The following FKTN variants were observed in gnomAD, a reference collection of about 807,000 sequenced individuals.
FKTN encodes the protein ribitol-5-phosphate transferase FKTN.
A neutral mutation model predicts 58.6 loss-of-function variants in FKTN; 47 were observed. The ratio of observed to expected loss-of-function variants is 0.80; its 90% CI spans 0.63 to 1.02. FKTN has a LOEUF of 1.02. Ranked by LOEUF, FKTN falls within the 50% of genes least tolerant of loss-of-function variation. FKTN has a pLI of 0.00. For missense variants in FKTN, 516 were observed against 537.3 expected, an observed-to-expected ratio of 0.96 and a Z score of 0.39; for synonymous variants, 178 against 191.9, an observed-to-expected ratio of 0.93 and a Z score of 0.60.
intron 3 of FKTN, among the ~76,000 whole-genome samples, chr9:105,587,179 A>G (rs974953099): frequency 3.3e-5 from 5 of 152,102 alleles, no homozygotes; most frequent in African/African-American, 1.2e-4. Context: ...ACTTAGTCCA[A>G]TGAGCAGCAC....
In FKTN at chr9:105,636,714, A is replaced by G. The variant is rs1336483550; in HGVS notation, c.*1450A>G. On this transcript the variant is annotated 3_prime_UTR_variant, in exon 11 of 11. Coordinates refer to ENST00000357998, the MANE Select transcript of FKTN (RefSeq NM_001079802.2). ...TTATATCTTATCTATGCTATTTAGG[A>G]CTACTTTCTGGAGCTTGGCAGATTT... is the stretch of plus-strand genomic sequence containing the variant. 3.1e-6 allele frequency: 4 copies of G among 1,298,484 alleles called. No individual in the cohort carries two copies. The highest frequency in any genetic ancestry group is 1.5e-5 in the African/African-American group (1 of 65,784). 80.4% of individuals were successfully genotyped at this position (1,298,484 alleles called of 1,614,324 possible).
At chr9:105,626,419 T>C (rs1832746169) in intron 10 of FKTN, among the ~76,000 whole-genome samples, 1 of 152,168 alleles carries the variant, frequency 6.6e-6, no homozygotes, top group African/African-American at 2.4e-5. Flanking sequence ...AAAGGAGCAA[T>C]CAAGCTCCCT....
chr9:105,561,227 T>C lies in FKTN; in HGVS notation c.-181+3062T>C, dbSNP rs534944864. ...AGTTTGAGGCAGCAGTGAGCTATGATTGTGACACTGCACTCCAGCCTGGGT... is the reference window on the plus strand; with the variant it reads ...AGTTTGAGGCAGCAGTGAGCTATGACTGTGACACTGCACTCCAGCCTGGGT... On this transcript the variant is annotated intron_variant, in intron 1 of 10. Transcript: ENST00000357998. Among the ~76,000 whole-genome samples the C allele has an allele frequency of 4.6e-5, 7 of 152,210 alleles. No homozygotes were observed. The South Asian group carries it at 6.2e-4, about 14-fold the overall frequency.
In FKTN at chr9:105,636,465, T is replaced by C. The variant is rs796112330; in HGVS notation, c.*1201T>C. On this transcript the variant is annotated 3_prime_UTR_variant, in exon 11 of 11. Coordinates refer to ENST00000357998, the MANE Select transcript of FKTN (RefSeq NM_001079802.2). ...CTCCCCAGTTTTTCAGTCTGTTGAA[T>C]GTCGATGGGGCAAGAACTCAGACTT... 50 of 993,126 alleles carry C rather than the reference T, an allele frequency of 5.0e-5. 1 individual carries two copies. In the African/African-American group the frequency reaches 8.3e-4, roughly 17 times the overall value. 61.5% of individuals were successfully genotyped at this position (993,126 alleles called of 1,614,324 possible).
At chr9:105,611,241 G>A (rs1181700250) in intron 7 of FKTN, among the ~76,000 whole-genome samples, 1 of 151,990 alleles carries the variant, frequency 6.6e-6, no homozygotes, top group East Asian at 1.9e-4. Flanking sequence ...GGCTGAACAG[G>A]AAAAATTAAA....
chr9:105,630,201 TAAAAAAA>T (rs199976867), intron 10 of FKTN, among the ~76,000 whole-genome samples: 1 of 151,518 alleles, frequency 6.6e-6, no homozygotes, highest in Admixed American at 6.6e-5. Context: ...CAAGTATAAT[TAAAAAAA>T]AGAAAAAAGA....
At chr9:105,608,484 T>G (rs1829308466) in intron 7 of FKTN, among the ~76,000 whole-genome samples, 1 of 152,236 alleles carries the variant, frequency 6.6e-6, no homozygotes, top group African/African-American at 2.4e-5. Flanking sequence ...TTCCGCAGGC[T>G]TCTGGCCCTG....
rs140135968 is a variant in FKTN at position 105,621,124 on chromosome 9, C to T, written c.1172+1063C>T. On this transcript the variant is annotated intron_variant, in intron 10 of 10. Coordinates refer to ENST00000357998, the MANE Select transcript of FKTN (RefSeq NM_001079802.2). ...AGCTTCTTTCATTCTGCTTTAACAG[C>T]TCTTTATAGTAGCAGTGTTTGGGAA... Among the ~76,000 whole-genome samples, 801 of 152,232 alleles carry T rather than the reference C, an allele frequency of 5.3e-3. 8 individuals carry two copies. Among genetic ancestry groups the T allele is most frequent in the African/African-American group, 0.019 (774 of 41,538 alleles).
chr9:105,562,485 G>A (rs1210447090), intron 1 of FKTN, among the ~76,000 whole-genome samples: 2 of 152,196 alleles, frequency 1.3e-5, no homozygotes, highest in East Asian at 1.9e-4. Flanking sequence ...TATCTCAAAA[G>A]ACCAATCTTA....
intron 5 of FKTN, among the ~76,000 whole-genome samples, chr9:105,603,217 C>T (rs1307831078): frequency 2.6e-5 from 4 of 152,158 alleles, no homozygotes; most frequent in Non-Finnish European, 4.4e-5. Context: ...TTAAATATTT[C>T]CTGAATTTGT....
chr9:105,635,750 A>T lies in FKTN; in HGVS notation c.*486A>T. ...ATTGTGGAGTCTGAGTTAATATTCA[A>T]GTGATCAGACTTTGAGTGACATCAA... On this transcript the variant is annotated 3_prime_UTR_variant, in exon 11 of 11. Transcript: ENST00000357998. 2.0e-6 allele frequency: 2 copies of T among 1,013,052 alleles called. No individual in the cohort carries two copies. The highest frequency in any genetic ancestry group is 2.4e-6 in the Non-Finnish European group (2 of 845,440). The allele number at this position is 1,013,052 out of a possible 1,614,324, so 62.8% of individuals were successfully genotyped here.
At position 105,620,054 on chromosome 9, in the gene FKTN, A is replaced by G. The variant is rs1461738191; in HGVS notation, c.1165A>G (p.Lys389Glu). The G allele has an allele frequency of 6.2e-7, 1 of 1,611,312 alleles. No homozygotes were observed. The highest frequency in any genetic ancestry group is 1.1e-5 in the South Asian group (1 of 91,030). ...NGGTQAKTGK[K>E]FKYLFPKFTL... ...AGGCACTCAGGCCAAAACAGGAAAA[A>G]AATTCAAGTATGAATCAAATAAGTA... Residue 389 changes from lysine to glutamate, a missense_variant, in exon 10 of 11, where the codon AAA (lysine) becomes GAA (glutamate). Lys to Glu is a moderately conservative substitution (Grantham distance 56). Transcript: ENST00000357998.
intron 3 of FKTN, among the ~76,000 whole-genome samples, chr9:105,575,666 G>T (rs755086579): frequency 5.3e-5 from 8 of 152,110 alleles, no homozygotes; most frequent in Non-Finnish European, 1.2e-4. Flanking sequence ...TCCCTCTGGG[G>T]TGTATTATAA....
Position 105,620,002 on chromosome 9 carries a change from T to C in FKTN, c.1113T>C (p.Tyr371=), listed in dbSNP as rs2133210756. ...DDVKLDVFFF[Y]EETDHMWNGG... ...TAAAACTTGATGTTTTTTTCTTCTA[T>C]GAAGAAACTGATCACATGTGGAATG... Residue 371 remains tyrosine, a synonymous_variant, in exon 10 of 11, where the codon TAT becomes TAC. Coordinates refer to ENST00000357998, the MANE Select transcript of FKTN (RefSeq NM_001079802.2). 5 of 1,611,330 alleles carry C rather than the reference T, an allele frequency of 3.1e-6. No homozygotes were observed. Among genetic ancestry groups the C allele is most frequent in the Non-Finnish European group, 4.2e-6 (5 of 1,177,730 alleles).
At chr9:105,616,253 A>G (rs777768630) in intron 8 of FKTN, among the ~76,000 whole-genome samples, 4 of 152,312 alleles carry the variant, frequency 2.6e-5, no homozygotes, top group East Asian at 3.9e-4. Flanking sequence ...TATTATTTCT[A>G]TCCCAAAGAT....
chr9:105,562,928 G>C (rs1316058368), intron 1 of FKTN, among the ~76,000 whole-genome samples: 2 of 152,170 alleles, frequency 1.3e-5, no homozygotes, highest in Non-Finnish European at 2.9e-5. Context: ...ATGAACCTAA[G>C]TTAGGTGTCA....
chr9:105,575,122 CTATT>C lies in FKTN; in HGVS notation c.94_97del (p.Leu32GlnfsTer32), dbSNP rs1369365074. Reference sequence around the variant, plus strand: ...TGTTTCAGTTGTACTACTACAAGCACTATTTATCAACAAAGGTAATTTTATTCCT... The same window carrying C: ...TGTTTCAGTTGTACTACTACAAGCACTATCAACAAAGGTAATTTTATTCCT... On this transcript the variant is annotated frameshift_variant, in exon 3 of 11. Transcript: ENST00000357998. LOFTEE classifies it high-confidence loss of function. 1.9e-6 allele frequency: 3 copies of C among 1,589,998 alleles called. No homozygotes were observed. The highest frequency in any genetic ancestry group is 2.6e-6 in the Non-Finnish European group (3 of 1,158,302).
chr9:105,603,070 G>A (rs555724037), intron 5 of FKTN, among the ~76,000 whole-genome samples: 1 of 152,290 alleles, frequency 6.6e-6, no homozygotes, highest in East Asian at 1.9e-4. Context: ...CAATTGATCA[G>A]AGCAACTATT....
chr9:105,567,413 C>T (rs970843736), intron 1 of FKTN, among the ~76,000 whole-genome samples: 1 of 152,100 alleles, frequency 6.6e-6, no homozygotes, highest in African/African-American at 2.4e-5. Context: ...TGTCTCAGCC[C>T]AAAATCTCCT....
Sources: allele counts gnomAD v4.1 joint callset (sites outside exome capture counted in the v4.1 genomes callset), GRCh38; gene constraint gnomAD v4.1.1; transcripts MANE v1.5; gene names NCBI Gene and HGNC (gene_info 2026-07-23, HGNC 2026-07-21).